The following ARMC2 variants were observed in gnomAD, a reference collection of about 807,000 sequenced individuals.
ARMC2 encodes the protein armadillo repeat-containing protein 2.
Under a neutral mutation model 90.3 loss-of-function variants are expected in ARMC2, and 67 were observed. The observed-to-expected ratio is 0.74, with a 90% CI of 0.61 to 0.91. The LOEUF is 0.91. Ranked by LOEUF, ARMC2 falls within the 40% of genes least tolerant of loss-of-function variation. The pLI is 0.00. For synonymous variants in ARMC2, 393 were observed against 393.0 expected (o/e 1.00, Z 0.00); for missense variants, 920 against 1,030.9 (o/e 0.89, Z 1.47).
chr6:108,961,061 A>C (rs62427207), intron 13 of ARMC2, among the ~76,000 whole-genome samples: 7,444 of 152,280 alleles, frequency 0.049, 269 homozygotes, highest in Non-Finnish European at 0.067. Flanking sequence ...AGAAGCCAGC[A>C]AGTGCTGAGA....
intron 11 of ARMC2, among the ~76,000 whole-genome samples, chr6:108,934,241 A>C (rs1775793830): frequency 1.3e-5 from 2 of 152,190 alleles, no homozygotes. Flanking sequence ...CTATTGAGAT[A>C]ATCTTGTGGT....
chr6:108,962,208 C>T, intron 15 of ARMC2, 81 bp downstream of exon 15: 1 of 1,084,152 alleles, frequency 9.2e-7, no homozygotes, highest in Non-Finnish European at 1.4e-6. Context: ...TGAGTCATTA[C>T]AGTGTTATAC....
intron 8 of ARMC2, among the ~76,000 whole-genome samples, chr6:108,906,062 G>GT (rs1258759848): frequency 1.3e-5 from 2 of 152,126 alleles, no homozygotes; most frequent in African/African-American, 2.4e-5. Flanking sequence ...GGACTAAGAA[G>GT]TTTTTTACAA....
chr6:108,886,908 T>TG (rs199780936), intron 5 of ARMC2, among the ~76,000 whole-genome samples: 1 of 101,922 alleles, frequency 9.8e-6, no homozygotes, highest in Non-Finnish European at 2.5e-5. Flanking sequence ...GTTTGTTTTG[T>TG]TTTTTTTTTT....
At chr6:109,046,992 G>T in the ARMC2 span, among the ~76,000 whole-genome samples, 4 of 74,326 alleles carry the variant, frequency 5.4e-5, no homozygotes, top group African/African-American at 1.1e-4. Context: ...GGAGGGAGGT[G>T]GGGGGGGTCA....
At chr6:108,978,053 T>C (rs1426851476), downstream of ARMC2, among the ~76,000 whole-genome samples, 1 of 152,206 alleles carries the variant, frequency 6.6e-6, no homozygotes, top group East Asian at 1.9e-4. Flanking sequence ...TTTGAATATG[T>C]TTGCTCTTGT....
chr6:108,918,445 C>T (rs1208675549), intron 10 of ARMC2, among the ~76,000 whole-genome samples: 1 of 151,628 alleles, frequency 6.6e-6, no homozygotes, highest in Non-Finnish European at 1.5e-5. Flanking sequence ...TTCTTTAGCT[C>T]TGTATTTTTA....
rs114822887 is a variant in ARMC2 at position 108,890,328 on chromosome 6, A to T, written c.672-4139A>T. ...TAAGATTTGACTCTGGACTGCTTAG[A>T]CAAGTGATTACTGACTCATAAGGAA... On this transcript the variant is annotated intron_variant, in intron 5 of 17. Coordinates refer to ENST00000392644, the MANE Select transcript of ARMC2 (RefSeq NM_032131.6). 9.1e-3 allele frequency among the ~76,000 whole-genome samples: 1,365 copies of T among 150,810 alleles called. 29 individuals carry two copies. Among genetic ancestry groups the T allele is most frequent in the African/African-American group, 0.03 (1,190 of 40,280 alleles).
At chr6:108,979,335 C>T (rs187153729), downstream of ARMC2, among the ~76,000 whole-genome samples, 6 of 152,314 alleles carry the variant, frequency 3.9e-5, no homozygotes, top group Non-Finnish European at 8.8e-5. Flanking sequence ...TCTCTTCTGG[C>T]TTGTAGCGTT....
At chr6:109,002,112 A>G in the ARMC2 span, among the ~76,000 whole-genome samples, 1 of 152,212 alleles carries the variant, frequency 6.6e-6, no homozygotes, top group African/African-American at 2.4e-5. Flanking sequence ...ACACAAGTAC[A>G]ACAGCTTTTT....
chr6:108,849,469 T>C (rs1452736839), intron 1 of ARMC2, among the ~76,000 whole-genome samples: 2 of 152,224 alleles, frequency 1.3e-5, no homozygotes, highest in Non-Finnish European at 1.5e-5. Flanking sequence ...ACATGGCACA[T>C]GTATACCTAT....
At chr6:108,862,858 A>G (rs546352963) in intron 3 of ARMC2, among the ~76,000 whole-genome samples, 1 of 152,328 alleles carries the variant, frequency 6.6e-6, no homozygotes, top group East Asian at 1.9e-4. Context: ...CAGTCAGGGA[A>G]CAGGGACTCA....
chr6:108,937,016 TTTAATTCTTCAATGAGTC>T lies in ARMC2; in HGVS notation c.1596+20_1596+37del. 1 of 1,548,830 alleles carries T rather than the reference TTTAATTCTTCAATGAGTC, an allele frequency of 6.5e-7. No individual in the cohort carries two copies. Among genetic ancestry groups the T allele is most frequent in the African/African-American group, 1.4e-5 (1 of 73,908 alleles). ...AAGAAGCAGGTCAGTTCTTCATTCA[TTTAATTCTTCAATGAGTC>T]TTTACACTAATGTGTTTGTGTAAGC... On this transcript the variant is annotated intron_variant, in intron 12 of 17. Transcript: ENST00000392644.
At chr6:108,966,943 GAAGA>G (rs772208688) in intron 17 of ARMC2, among the ~76,000 whole-genome samples, 1 of 152,116 alleles carries the variant, frequency 6.6e-6, no homozygotes, top group East Asian at 1.9e-4. Flanking sequence ...AGTGTACAGA[GAAGA>G]AAGAAGCCAG....
At chr6:109,023,207 A>G in the ARMC2 span, among the ~76,000 whole-genome samples, 6 of 152,208 alleles carry the variant, frequency 3.9e-5, no homozygotes, top group Non-Finnish European at 8.8e-5. Context: ...AACTTTCTTG[A>G]TTCCATTTAT....
rs191915528 is a variant in ARMC2, at chr6:108,964,023, G to A, written c.2153-157G>A. ...GGTGGGTATTGGGGAACCCACTGCT[G>A]TGTGATGGATAAAGCCTTAGGAAGA... On this transcript the variant is annotated intron_variant, in intron 15 of 17. Transcript: ENST00000392644. 2.0e-5 allele frequency among the ~76,000 whole-genome samples: 3 copies of A among 152,304 alleles called. No individual in the cohort carries two copies. In the East Asian group the frequency reaches 5.8e-4, roughly 29 times the overall value.
chr6:108,954,455 C>G (rs947026602), intron 13 of ARMC2, among the ~76,000 whole-genome samples: 4 of 152,144 alleles, frequency 2.6e-5, no homozygotes, highest in African/African-American at 9.7e-5. Flanking sequence ...AAACCCCTTT[C>G]TCTACTAAAA....
chr6:108,867,505 G>A (rs1346923499), intron 3 of ARMC2, among the ~76,000 whole-genome samples: 1 of 152,054 alleles, frequency 6.6e-6, no homozygotes, highest in Non-Finnish European at 1.5e-5. Flanking sequence ...AGTGGCTCAC[G>A]GCTGTAATCC....
rs142083379 is a variant in ARMC2 at position 108,928,966 on chromosome 6, C to T, written c.1496+733C>T. On this transcript the variant is annotated intron_variant, in intron 11 of 17. Transcript: ENST00000392644. ...GGACCCCTGTATAAGGATGTGAGTC[C>T]AAATCTGATTTTTTTTTAAATGAAT... 5.0e-3 allele frequency among the ~76,000 whole-genome samples: 757 copies of T among 152,124 alleles called. 4 individuals are homozygous for T. Among genetic ancestry groups the T allele is most frequent in the Non-Finnish European group, 8.9e-3 (604 of 68,004 alleles).
Sources: allele counts gnomAD v4.1 joint callset (sites outside exome capture counted in the v4.1 genomes callset), GRCh38; gene constraint gnomAD v4.1.1; transcripts MANE v1.5; gene names NCBI Gene and HGNC (gene_info 2026-07-23, HGNC 2026-07-21).